The following AGBL4 variants were observed in gnomAD, a reference collection of about 807,000 sequenced individuals.
AGBL4 encodes AGBL carboxypeptidase 4, also known as cytosolic carboxypeptidase 6.
Under a neutral mutation model 66.4 loss-of-function variants are expected in AGBL4, and 58 were observed. The observed-to-expected ratio is 0.87, with a 90% CI of 0.71 to 1.09. AGBL4 has a LOEUF of 1.09. AGBL4 is among the 50% of genes least tolerant of loss of function. The pLI, the probability that AGBL4 is intolerant of heterozygous loss-of-function variation, is 0.00. For missense variants in AGBL4, 579 were observed against 631.0 expected (o/e 0.92, Z 0.88); for synonymous variants, 234 against 222.9 (o/e 1.05, Z -0.44).
intron 3 of AGBL4, among the ~76,000 whole-genome samples, chr1:49,628,340 A>G: frequency 6.6e-6 from 1 of 152,302 alleles, no homozygotes; most frequent in African/African-American, 2.4e-5. Context: ...ACAGGTCCCA[A>G]TAAAAGCTGG....
chr1:49,525,204 G>A (rs1650563810), intron 3 of AGBL4, among the ~76,000 whole-genome samples: 1 of 151,978 alleles, frequency 6.6e-6, no homozygotes, highest in Admixed American at 6.6e-5. Context: ...AGTTTATATT[G>A]TATTGGAGGA....
chr1:50,008,524 G>C (rs570091812), intron 1 of AGBL4, among the ~76,000 whole-genome samples: 1 of 151,992 alleles, frequency 6.6e-6, no homozygotes, highest in Non-Finnish European at 1.5e-5. Flanking sequence ...GCAGTACTAA[G>C]AGGAGAGTTT....
chr1:49,065,546 G>T (rs1644477531), intron 4 of AGBL4, among the ~76,000 whole-genome samples: 2 of 152,204 alleles, frequency 1.3e-5, no homozygotes, highest in African/African-American at 4.8e-5. Context: ...GAACCAAGCT[G>T]CAGGGAATGG....
intron 3 of AGBL4, among the ~76,000 whole-genome samples, chr1:49,299,652 C>G (rs1331855291): frequency 6.6e-6 from 1 of 152,150 alleles, no homozygotes; most frequent in African/African-American, 2.4e-5. Context: ...GTCACAATAG[C>G]TAGGACTTCC....
intron 6 of AGBL4, among the ~76,000 whole-genome samples, chr1:48,732,291 TAAC>T (rs1648267907): frequency 6.6e-6 from 1 of 152,134 alleles, no homozygotes; most frequent in Non-Finnish European, 1.5e-5. Flanking sequence ...TGTGAAGAGA[TAAC>T]CAGTGGGCAC....
intron 2 of AGBL4, among the ~76,000 whole-genome samples, chr1:49,721,114 G>A (rs1242199659): frequency 2.0e-5 from 3 of 152,080 alleles, no homozygotes; most frequent in African/African-American, 7.2e-5. Flanking sequence ...GCACCAATCA[G>A]TGCTCTGTAA....
At chr1:49,699,730 C>G (rs1647051436) in intron 2 of AGBL4, among the ~76,000 whole-genome samples, 1 of 151,570 alleles carries the variant, frequency 6.6e-6, no homozygotes, top group Non-Finnish European at 1.5e-5. Context: ...TGGTGGTTAC[C>G]AGGGGCAGAT....
At chr1:49,049,146 A>C (rs1355179329) in intron 4 of AGBL4, among the ~76,000 whole-genome samples, 2 of 152,050 alleles carry the variant, frequency 1.3e-5, no homozygotes, top group Non-Finnish European at 2.9e-5. Context: ...ATAACTCCCT[A>C]ACACAATTTT....
At chr1:49,391,076 T>G (rs555037049) in intron 3 of AGBL4, among the ~76,000 whole-genome samples, 9 of 152,234 alleles carry the variant, frequency 5.9e-5, no homozygotes, top group Admixed American at 1.3e-4. Flanking sequence ...ACGGCATTCC[T>G]TGAAAGGAAA....
rs1349756499 is a variant in AGBL4, at chr1:48,744,065, C to A, written c.635-80824G>T. Among the ~76,000 whole-genome samples the A allele has an allele frequency of 2.0e-5, 3 of 152,176 alleles. No individual in the cohort carries two copies. The South Asian group carries it at 6.2e-4, about 32-fold the overall frequency. On this transcript the variant is annotated intron_variant, in intron 6 of 13. Transcript: ENST00000371839. The stretch of plus-strand genomic sequence containing the variant: ...AGATTTCAGGTCCCATTCCTGGCTA[C>A]ACTATATTTTAATTGTGTGACCACA...
chr1:48,693,126 T>A lies in AGBL4; in HGVS notation c.635-29885A>T, dbSNP rs969418907. Among the ~76,000 whole-genome samples, 68 of 146,082 alleles carry A rather than the reference T, an allele frequency of 4.7e-4. 1 individual carries two copies. Among genetic ancestry groups the A allele is most frequent in the African/African-American group, 1.6e-3 (67 of 41,048 alleles). On this transcript the variant is annotated intron_variant, in intron 6 of 13. Coordinates refer to ENST00000371839, the MANE Select transcript of AGBL4 (RefSeq NM_032785.4). The stretch of plus-strand genomic sequence containing the variant: ...CATTTCTTTGTATATTCAAAGCTCT[T>A]GGTTGCTTTCTTAAAGCGCTGATAC...
chr1:49,631,008 T>C lies in AGBL4; in HGVS notation c.282+66305A>G, dbSNP rs368673037. Among the ~76,000 whole-genome samples the C allele has an allele frequency of 2.6e-5, 4 of 152,294 alleles. No homozygotes were observed. The East Asian group carries it at 7.7e-4, about 29-fold the overall frequency. On this transcript the variant is annotated intron_variant, in intron 3 of 13. Transcript: ENST00000371839. ...GCTCCTCAAAGGGGCACCTGTTGCC[T>C]TGCAGAGAAACAGCCTCTGCAGTAT...
chr1:49,755,874 T>C (rs1651849031), intron 2 of AGBL4, among the ~76,000 whole-genome samples: 1 of 152,232 alleles, frequency 6.6e-6, no homozygotes, highest in Admixed American at 6.5e-5. Flanking sequence ...AACTTAACTA[T>C]GTCACTCACC....
At chr1:48,619,573 G>A (rs1281944340) in intron 9 of AGBL4, among the ~76,000 whole-genome samples, 2 of 152,180 alleles carry the variant, frequency 1.3e-5, no homozygotes, top group Non-Finnish European at 2.9e-5. Flanking sequence ...CCCATGCCAG[G>A]AGGCCGAGTC....
chr1:48,603,252 A>G (rs554763553), intron 9 of AGBL4, among the ~76,000 whole-genome samples: 1 of 151,920 alleles, frequency 6.6e-6, no homozygotes, highest in Non-Finnish European at 1.5e-5. Context: ...CAGGTGGATC[A>G]TGAGGTCAGG....
intron 9 of AGBL4, among the ~76,000 whole-genome samples, chr1:48,623,766 T>C (rs1318011836): frequency 1.3e-5 from 2 of 152,198 alleles, no homozygotes; most frequent in Admixed American, 1.3e-4. Context: ...GCAGGCTATA[T>C]GCAGATAGGA....
chr1:49,740,014 C>T (rs1650289815), intron 2 of AGBL4, among the ~76,000 whole-genome samples: 2 of 152,144 alleles, frequency 1.3e-5, no homozygotes, highest in Non-Finnish European at 2.9e-5. Flanking sequence ...AAATAACCAG[C>T]TAACATCATC....
At chr1:48,824,289 C>A (rs948784882) in intron 6 of AGBL4, among the ~76,000 whole-genome samples, 1 of 152,114 alleles carries the variant, frequency 6.6e-6, no homozygotes. Flanking sequence ...GTCATGTGAG[C>A]ATGGATGAAG....
chr1:49,339,625 G>T (rs1434497653), intron 3 of AGBL4, among the ~76,000 whole-genome samples: 1 of 152,208 alleles, frequency 6.6e-6, no homozygotes, highest in South Asian at 2.1e-4. Flanking sequence ...ATCATTTAGT[G>T]CTGATGTTTC....
Sources: allele counts gnomAD v4.1 joint callset (sites outside exome capture counted in the v4.1 genomes callset), GRCh38; gene constraint gnomAD v4.1.1; transcripts MANE v1.5; gene names NCBI Gene and HGNC (gene_info 2026-07-23, HGNC 2026-07-21).